Variants in BCL9L observed in about 807,000 individuals in gnomAD.
BCL9L encodes the protein B-cell CLL/lymphoma 9-like protein.
In BCL9L, 19 loss-of-function variants were observed where a neutral mutation model predicts 99.4. The ratio of observed to expected loss-of-function variants is 0.19; its 90% CI spans 0.13 to 0.28. The LOEUF (loss-of-function observed/expected upper bound fraction) is 0.28, where lower values mean the gene tolerates loss of function less well. Ranked by LOEUF, BCL9L falls within the 10% of genes least tolerant of loss-of-function variation. BCL9L has a pLI of 1.00. For missense variants in BCL9L, 2,023 were observed against 2,101.6 expected (o/e 0.96, Z 0.73); for synonymous variants, 900 against 854.8 (o/e 1.05, Z -0.92).
In BCL9L at chr11:118,921,533, G is replaced by A. The variant is rs891395590; in HGVS notation, c.-130-2654C>T. On this transcript the variant is annotated intron_variant, in intron 1 of 9. Transcript: ENST00000683865. This position sits in a 1 kb window ranked among gnomAD's most constrained non-coding sequence, Gnocchi z 5.4. ...GTGAGGAGGAGGGGAAGACGGGCCA[G>A]CCCAGGGCTACCAGTCCATTGGAGG... is the stretch of plus-strand genomic sequence containing the variant. Among the ~76,000 whole-genome samples, 3 of 152,034 alleles carry A rather than the reference G, an allele frequency of 2.0e-5. No individual in the cohort carries two copies. Among genetic ancestry groups the A allele is most frequent in the African/African-American group, 7.3e-5 (3 of 41,374 alleles).
chr11:118,903,149 C>A lies in BCL9L; in HGVS notation c.750-75G>T. 1 of 1,522,720 alleles carries A rather than the reference C, an allele frequency of 6.6e-7. No individual in the cohort carries two copies. Among genetic ancestry groups the A allele is most frequent in the Non-Finnish European group, 8.9e-7 (1 of 1,123,502 alleles). The allele number at this position is 1,522,720 out of a possible 1,614,324, so 94.3% of individuals were successfully genotyped here. ...CCCCACCCTCACCCACCCCACCCTG[C>A]CCCTGCACGGGGCTCCCTCGGAACC... is the stretch of plus-strand genomic sequence containing the variant. On this transcript the variant is annotated intron_variant, in intron 6 of 9. Coordinates refer to ENST00000683865, the MANE Select transcript of BCL9L (RefSeq NM_001378213.1). This position sits in a 1 kb window ranked among gnomAD's most constrained non-coding sequence, Gnocchi z 5.6.
At position 118,900,224 on chromosome 11, in the gene BCL9L, G is replaced by A. The variant is rs773499313; in HGVS notation, c.3125-26C>T. On this transcript the variant is annotated intron_variant, in intron 8 of 9. Coordinates refer to ENST00000683865, the MANE Select transcript of BCL9L (RefSeq NM_001378213.1). This position sits in a 1 kb window ranked among gnomAD's most constrained non-coding sequence, Gnocchi z 5.3. ...CTACAGAAACGGGGAGACAAAGAGAGCAGGGGTGACTGGGGAGGGGCAGAT... is the reference window on the plus strand; with the variant it reads ...CTACAGAAACGGGGAGACAAAGAGAACAGGGGTGACTGGGGAGGGGCAGAT... 18 of 1,561,264 alleles carry A rather than the reference G, an allele frequency of 1.2e-5. 2 individuals carry two copies. In the South Asian group the frequency reaches 1.4e-4, roughly 12 times the overall value.
At position 118,901,751 on chromosome 11, in the gene BCL9L, A is replaced by C. The variant is rs778455622; in HGVS notation, c.1992T>G (p.Gly664=). 3.6e-5 allele frequency: 58 copies of C among 1,612,346 alleles called. No homozygotes were observed. The highest frequency in any genetic ancestry group is 3.3e-4 in the Middle Eastern group (2 of 6,078). ...GGGGAGTCATGAATCGCTCCGCCTC[A>C]CCCTGCCCACCTGGGTAGGGCATGG... is the stretch of plus-strand genomic sequence containing the variant. ...QNTMPYPGGQ[G]EAERFMTPRV... is the part of the protein sequence containing the mutation. Residue 664 remains glycine, a synonymous_variant, in exon 8 of 10, where the codon GGT becomes GGG. Transcript: ENST00000683865. This position sits in a 1 kb window ranked among gnomAD's most constrained non-coding sequence, Gnocchi z 6.6.
chr11:118,914,729 G>T lies in BCL9L; in HGVS notation c.-77+4097C>A, dbSNP rs1940913127. The stretch of plus-strand genomic sequence containing the variant: ...TGACAGGCAGGGTCCCCTGTCCCCA[G>T]GCCTCCTCTCCCACACCCATTCAGT... On this transcript the variant is annotated intron_variant, in intron 2 of 9. Coordinates refer to ENST00000683865, the MANE Select transcript of BCL9L (RefSeq NM_001378213.1). The surrounding 1 kb of genome is among the most constrained non-coding windows in gnomAD (Gnocchi z 4.4). Among the ~76,000 whole-genome samples the T allele has an allele frequency of 6.6e-6, 1 of 152,200 alleles. No individual in the cohort carries two copies. Among genetic ancestry groups the T allele is most frequent in the Non-Finnish European group, 1.5e-5 (1 of 68,028 alleles).
At position 118,914,640 on chromosome 11, in the gene BCL9L, C is replaced by A. The variant is rs1165828379; in HGVS notation, c.-77+4186G>T. On this transcript the variant is annotated intron_variant, in intron 2 of 9. Transcript: ENST00000683865. The surrounding 1 kb of genome is among the most constrained non-coding windows in gnomAD (Gnocchi z 4.4). ...CTCTGCAGGGAGACAGAAGGCCACA[C>A]GGGGTTTCTGGTGTCAGTCCTGGCA... is the stretch of plus-strand genomic sequence containing the variant. Among the ~76,000 whole-genome samples, 1 of 151,788 alleles carries A rather than the reference C, an allele frequency of 6.6e-6. No individual in the cohort carries two copies. Among genetic ancestry groups the A allele is most frequent in the Non-Finnish European group, 1.5e-5 (1 of 67,986 alleles).
rs1231425583 is a variant in BCL9L, at chr11:118,899,027, A to T, written c.3888T>A (p.Gly1296=). Residue 1296 remains glycine, a synonymous_variant, in exon 10 of 10, where the codon GGT becomes GGA. Coordinates refer to ENST00000683865, the MANE Select transcript of BCL9L (RefSeq NM_001378213.1). Reference sequence around the variant, plus strand: ...GCACTGATGCCACCCCAGGGAGCACACCCGGTGGGTATGCGTCGCCCATGC... The same window carrying T: ...GCACTGATGCCACCCCAGGGAGCACTCCCGGTGGGTATGCGTCGCCCATGC... The part of the protein sequence containing the change: ...AGRMGDAYPP[G]VLPGVASVLN... The T allele has an allele frequency of 2.5e-6, 4 of 1,613,468 alleles. No individual in the cohort carries two copies. Among genetic ancestry groups the T allele is most frequent in the Non-Finnish European group, 3.4e-6 (4 of 1,179,946 alleles).
Position 118,898,312 on chromosome 11 carries a change from C to CCCCCCCCCCCCCCCCCCCCCCCCA in BCL9L, c.*102_*103insTGGGGGGGGGGGGGGGGGGGGGGG. On this transcript the variant is annotated 3_prime_UTR_variant, in exon 10 of 10. Coordinates refer to ENST00000683865, the MANE Select transcript of BCL9L (RefSeq NM_001378213.1). ...TACACAAGCCCCCTCCCACCCCCTC[C>CCCCCCCCCCCCCCCCCCCCCCCCA]ACCCCACCCCGCGACCCAGGCCATC... 1.2e-5 allele frequency: 8 copies of CCCCCCCCCCCCCCCCCCCCCCCCA among 686,068 alleles called. No homozygotes were observed. Among genetic ancestry groups the CCCCCCCCCCCCCCCCCCCCCCCCA allele is most frequent in the East Asian group, 4.2e-5 (1 of 23,542 alleles). 42.5% of individuals were successfully genotyped at this position (686,068 alleles called of 1,614,324 possible).
chr11:118,897,262 C>T lies in BCL9L; in HGVS notation c.*1153G>A, dbSNP rs573284920. On this transcript the variant is annotated 3_prime_UTR_variant, in exon 10 of 10. Coordinates refer to ENST00000683865, the MANE Select transcript of BCL9L (RefSeq NM_001378213.1). ...CTGGAGGTTACCTGGCCCAGGGCTA[C>T]TACAGCCACAGGCCCCAGTGGCACC... The T allele has an allele frequency of 6.2e-6, 1 of 160,990 alleles. No individual in the cohort carries two copies. The highest frequency in any genetic ancestry group is 1.9e-4 in the East Asian group (1 of 5,286). The allele number at this position is 160,990 out of a possible 1,614,324, so 10.0% of individuals were successfully genotyped here.
chr11:118,898,495 G>C lies in BCL9L; in HGVS notation c.4420C>G (p.Leu1474Val). 6.2e-7 allele frequency: 1 copy of C among 1,603,286 alleles called. No homozygotes were observed. The highest frequency in any genetic ancestry group is 1.1e-5 in the South Asian group (1 of 90,732). The change falls in exon 10 of 10, where the codon CTT (leucine) becomes GTT (valine). Residue 1474 changes from leucine (L) to valine (V), a missense_variant. Leu to Val is a conservative substitution (Grantham distance 32). Transcript: ENST00000683865. ...PQQNLMVSHPLRQRSVSLDSQ... is the reference protein window; with the variant it reads ...PQQNLMVSHPVRQRSVSLDSQ... The stretch of plus-strand genomic sequence containing the variant: ...TCCAGGGACACACTGCGCTGCCGAA[G>C]GGGGTGGGACACCATGAGGTTCTGC...
In BCL9L at chr11:118,898,323, G is replaced by T. The variant is rs11217081; in HGVS notation, c.*92C>A. 5 of 822,604 alleles carry T rather than the reference G, an allele frequency of 6.1e-6. No homozygotes were observed. In the African/African-American group the frequency reaches 1.1e-4, roughly 18 times the overall value. 51.0% of individuals were successfully genotyped at this position (822,604 alleles called of 1,614,324 possible). A position where few individuals can be genotyped will look rare whatever the true frequency, so the allele number is the denominator to read the frequency against. On this transcript the variant is annotated 3_prime_UTR_variant, in exon 10 of 10. Coordinates refer to ENST00000683865, the MANE Select transcript of BCL9L (RefSeq NM_001378213.1). ...CCTCCCACCCCCTCCACCCCACCCC[G>T]CGACCCAGGCCATCCCAACATTGAG...
Position 118,922,549 on chromosome 11 carries a change from C to G in BCL9L, c.-131+2689G>C, listed in dbSNP as rs1044600621. ...GGAGCTAGAGCAGCCAGGCGCTCAACAGGTTGAGCCAGTCCATGGAACAGC... is the reference window on the plus strand; with the variant it reads ...GGAGCTAGAGCAGCCAGGCGCTCAAGAGGTTGAGCCAGTCCATGGAACAGC... On this transcript the variant is annotated intron_variant, in intron 1 of 9. Transcript: ENST00000683865. The surrounding 1 kb of genome is among the most constrained non-coding windows in gnomAD (Gnocchi z 6.2). Among the ~76,000 whole-genome samples, 6 of 152,182 alleles carry G rather than the reference C, an allele frequency of 3.9e-5. No homozygotes were observed. The highest frequency in any genetic ancestry group is 1.4e-4 in the African/African-American group (6 of 41,448).
In BCL9L at chr11:118,900,332, C is replaced by T; in HGVS notation, c.3125-134G>A. The T allele has an allele frequency of 1.7e-6, 2 of 1,169,630 alleles. No individual in the cohort carries two copies. The highest frequency in any genetic ancestry group is 2.3e-6 in the Non-Finnish European group (2 of 857,276). The allele number at this position is 1,169,630 out of a possible 1,614,324, so 72.5% of individuals were successfully genotyped here. A position where few individuals can be genotyped will look rare whatever the true frequency, so the allele number is the denominator to read the frequency against. On this transcript the variant is annotated intron_variant, in intron 8 of 9. Coordinates refer to ENST00000683865, the MANE Select transcript of BCL9L (RefSeq NM_001378213.1). This position sits in a 1 kb window ranked among gnomAD's most constrained non-coding sequence, Gnocchi z 5.3. ...GTCCTTCAGACACACCCACAGGCCC[C>T]CACTATCTCCAGAGCCCACCAGTCT...
intron 2 of BCL9L, chr11:118,910,278 G>A (rs1287010848): frequency 3.2e-6 from 1 of 312,158 alleles, no homozygotes; most frequent in East Asian, 6.3e-5. Context: ...TCACTAAAAG[G>A]CTAGGTAGCA....
chr11:118,899,532 G>A (rs1940110312), intron 9 of BCL9L, 24 bp from the exon 10 acceptor site: 3 of 1,602,186 alleles, frequency 1.9e-6, no homozygotes, highest in African/African-American at 2.7e-5. Flanking sequence ...AAGACAGGGG[G>A]TCAGGCACGG....
Position 118,903,772 on chromosome 11 carries a change from A to G in BCL9L, c.533-320T>C, listed in dbSNP as rs114555878. On this transcript the variant is annotated intron_variant, in intron 5 of 9. Coordinates refer to ENST00000683865, the MANE Select transcript of BCL9L (RefSeq NM_001378213.1). This position sits in a 1 kb window ranked among gnomAD's most constrained non-coding sequence, Gnocchi z 5.6. ...CACACTCCACTTAACAAAGGAGGAAATAAGTTCCTCACCCACAGTTACACA... is the reference window on the plus strand; with the variant it reads ...CACACTCCACTTAACAAAGGAGGAAGTAAGTTCCTCACCCACAGTTACACA... Among the ~76,000 whole-genome samples the G allele has an allele frequency of 5.0e-3, 759 of 152,342 alleles. 10 individuals are homozygous for G. Among genetic ancestry groups the G allele is most frequent in the African/African-American group, 0.017 (725 of 41,580 alleles).
At chr11:118,915,691 C>T (rs1940944202) in intron 2 of BCL9L, among the ~76,000 whole-genome samples, 1 of 152,222 alleles carries the variant, frequency 6.6e-6, no homozygotes, top group Admixed American at 6.5e-5. Context: ...CTCCCCTCTG[C>T]CAGGTCCCCT....
At position 118,914,385 on chromosome 11, in the gene BCL9L, C is replaced by T. The variant is rs1478296182; in HGVS notation, c.-76-4370G>A. Among the ~76,000 whole-genome samples, 2 of 152,172 alleles carry T rather than the reference C, an allele frequency of 1.3e-5. No individual in the cohort carries two copies. The highest frequency in any genetic ancestry group is 2.9e-5 in the Non-Finnish European group (2 of 68,026). On this transcript the variant is annotated intron_variant, in intron 2 of 9. Coordinates refer to ENST00000683865, the MANE Select transcript of BCL9L (RefSeq NM_001378213.1). The surrounding 1 kb of genome is among the most constrained non-coding windows in gnomAD (Gnocchi z 4.4). ...ACGGTGGGACCTCACCCAGCGCCCG[C>T]CCGCCTGCCTGCCTGCTCTGCTCTC...
In BCL9L at chr11:118,903,342, G is replaced by T. The variant is rs745849357; in HGVS notation, c.643C>A (p.Pro215Thr). The change falls in exon 6 of 10, where the codon CCT becomes ACT. Residue 215 changes from proline (P) to threonine (T), a missense_variant. By Grantham distance (38) the Pro-to-Thr change is conservative. Transcript: ENST00000683865. The surrounding 1 kb of genome is among the most constrained non-coding windows in gnomAD (Gnocchi z 5.6). ...CCAGGGGCATCAGGCCGAAGGCCAG[G>T]AGGAGGGCCGTGCGGGGCGCCTGGC... ...SVPGAPHGPP[P>T]GLRPDAPGGG... The T allele has an allele frequency of 1.3e-6, 2 of 1,596,690 alleles. No individual in the cohort carries two copies. The highest frequency in any genetic ancestry group is 2.3e-5 in the South Asian group (2 of 88,850).
intron 2 of BCL9L, among the ~76,000 whole-genome samples, chr11:118,917,940 G>A (rs1012120304): frequency 6.6e-6 from 1 of 152,100 alleles, no homozygotes; most frequent in Admixed American, 6.6e-5. Context: ...GGGACTCACC[G>A]GTGAGGGTGG....
Sources: allele counts gnomAD v4.1 joint callset (sites outside exome capture counted in the v4.1 genomes callset), GRCh38; gene constraint gnomAD v4.1.1; non-coding constraint Gnocchi (gnomAD v3.1); transcripts MANE v1.5; gene names NCBI Gene and HGNC (gene_info 2026-07-23, HGNC 2026-07-21).